STPG2: variants seen among roughly 807,000 people sequenced by gnomAD.
STPG2 encodes the protein sperm tail PG-rich repeat containing 2.
Under a neutral mutation model 54.2 loss-of-function variants are expected in STPG2, and 56 were observed. The ratio of observed to expected loss-of-function variants is 1.03; its 90% CI spans 0.83 to 1.29. STPG2 has a LOEUF of 1.29. Among genes scored for constraint, STPG2 ranks in the 50% most tolerant of loss-of-function variants. The pLI is 0.00. For synonymous variants in STPG2, 200 were observed against 181.8 expected, an observed-to-expected ratio of 1.10 and a Z score of -0.81; for missense variants, 596 against 544.9, an observed-to-expected ratio of 1.09 and a Z score of -0.93.
chr4:97,441,602 AT>A (rs1729082925), intron 4 of STPG2: 1 of 152,014 alleles, frequency 6.6e-6, no homozygotes, highest in African/African-American at 2.4e-5. Flanking sequence ...AAGTCAAAAT[AT>A]TCTTTCAGAT....
intron 8 of STPG2, among the ~76,000 whole-genome samples, chr4:97,902,860 C>G (rs1015298434): frequency 1.3e-5 from 2 of 152,108 alleles, no homozygotes; most frequent in Non-Finnish European, 2.9e-5. Flanking sequence ...TTCATTGCAG[C>G]ATTATTCACA....
intron 10 of STPG2, among the ~76,000 whole-genome samples, chr4:97,674,550 T>TA (rs1030175317): frequency 3.9e-5 from 6 of 152,010 alleles, no homozygotes; most frequent in African/African-American, 1.4e-4. Flanking sequence ...AACAGCATGA[T>TA]AAAAAAAGAT....
intron 9 of STPG2, among the ~76,000 whole-genome samples, chr4:97,800,748 G>A (rs746426596): frequency 2.6e-5 from 4 of 152,154 alleles, no homozygotes; most frequent in South Asian, 2.1e-4. Flanking sequence ...GGTTTCTGCC[G>A]CCTTTTGTTT....
At chr4:97,496,925 T>G (rs1161087022) in intron 4 of STPG2, among the ~76,000 whole-genome samples, 1 of 151,586 alleles carries the variant, frequency 6.6e-6, no homozygotes, top group Non-Finnish European at 1.5e-5. Flanking sequence ...AAAGAGAAAA[T>G]AATATCCATA....
At chr4:97,567,074 C>T (rs1732472227) in intron 10 of STPG2, among the ~76,000 whole-genome samples, 1 of 151,402 alleles carries the variant, frequency 6.6e-6, no homozygotes, top group Non-Finnish European at 1.5e-5. Context: ...GAAATGGCCC[C>T]TAAAATTTCA....
intron 9 of STPG2, among the ~76,000 whole-genome samples, chr4:97,715,200 G>A (rs1724249175): frequency 6.6e-6 from 1 of 152,052 alleles, no homozygotes; most frequent in Admixed American, 6.6e-5. Context: ...ATATGATACA[G>A]GTCAAAGACT....
At chr4:98,128,280 G>T (rs1739884548) in intron 3 of STPG2, 148 bp downstream of exon 3, 4 of 645,816 alleles carry the variant, frequency 6.2e-6, no homozygotes, top group Non-Finnish European at 9.8e-6. Context: ...ACTAAAATTT[G>T]GGGGTCTATT....
chr4:97,837,474 C>A (rs778284240), intron 9 of STPG2, among the ~76,000 whole-genome samples: 1 of 151,732 alleles, frequency 6.6e-6, no homozygotes, highest in Non-Finnish European at 1.5e-5. Context: ...TACTTTTCCA[C>A]TTAACAATTT....
At chr4:97,582,818 A>G (rs1244880878) in intron 10 of STPG2, among the ~76,000 whole-genome samples, 2 of 152,036 alleles carry the variant, frequency 1.3e-5, no homozygotes, top group Non-Finnish European at 2.9e-5. Flanking sequence ...GCTCTATATT[A>G]TTTACACTGC....
chr4:98,047,535 C>T (rs783923), intron 5 of STPG2, among the ~76,000 whole-genome samples: 51,562 of 151,874 alleles, frequency 0.34, 10,002 homozygotes, highest in Non-Finnish European at 0.42. Flanking sequence ...AGTGCTCATG[C>T]GCCTGTTTAA....
At chr4:98,116,968 A>C (rs1456922972) in intron 3 of STPG2, among the ~76,000 whole-genome samples, 1 of 152,006 alleles carries the variant, frequency 6.6e-6, no homozygotes, top group East Asian at 1.9e-4. Flanking sequence ...AATCAATAGG[A>C]ATTCTTCTAA....
chr4:97,828,954 A>C (rs976787083), intron 9 of STPG2, among the ~76,000 whole-genome samples: 11 of 152,180 alleles, frequency 7.2e-5, no homozygotes, highest in African/African-American at 2.7e-4. Context: ...CAGCTTCAGC[A>C]GACTTAAACA....
intron 9 of STPG2, among the ~76,000 whole-genome samples, chr4:97,749,052 T>C (rs1040179100): frequency 1.3e-5 from 2 of 151,620 alleles, no homozygotes; most frequent in Non-Finnish European, 3.0e-5. Flanking sequence ...ATAAAGCAGA[T>C]GTTCCCAATC....
intron 10 of STPG2, among the ~76,000 whole-genome samples, chr4:97,631,691 C>A (rs1435112580): frequency 6.6e-6 from 1 of 152,008 alleles, no homozygotes; most frequent in Non-Finnish European, 1.5e-5. Context: ...CTCACAGCCA[C>A]CATATTAAAG....
At chr4:97,828,239 G>A (rs903395985) in intron 9 of STPG2, among the ~76,000 whole-genome samples, 52 of 152,120 alleles carry the variant, frequency 3.4e-4, no homozygotes, top group South Asian at 2.1e-4. Flanking sequence ...CATGGATTGC[G>A]AGCCAAAGCA....
intron 4 of STPG2, among the ~76,000 whole-genome samples, chr4:97,546,062 T>C (rs1731827081): frequency 6.6e-6 from 1 of 151,912 alleles, no homozygotes; most frequent in South Asian, 2.1e-4. Context: ...ACTAAGGTGG[T>C]CAACTTAGTC....
chr4:97,456,358 C>T (rs754724236), intron 4 of STPG2, among the ~76,000 whole-genome samples: 1 of 151,794 alleles, frequency 6.6e-6, no homozygotes, highest in Non-Finnish European at 1.5e-5. Flanking sequence ...GGGGAAAGTG[C>T]CATGCACTTT....
intron 8 of STPG2, among the ~76,000 whole-genome samples, chr4:97,850,029 C>G (rs1005602054): frequency 2.0e-5 from 3 of 151,318 alleles, no homozygotes; most frequent in Admixed American, 2.0e-4. Flanking sequence ...CCCAAATGTC[C>G]AACAATGATA....
At chr4:97,872,148 TA>T (rs1337944971) in intron 8 of STPG2, among the ~76,000 whole-genome samples, 2 of 151,104 alleles carry the variant, frequency 1.3e-5, no homozygotes, top group Admixed American at 1.3e-4. Flanking sequence ...ACTTTATTGA[TA>T]AAAATATATA....
Sources: allele counts gnomAD v4.1 joint callset (sites outside exome capture counted in the v4.1 genomes callset), GRCh38; gene constraint gnomAD v4.1.1; transcripts MANE v1.5; gene names NCBI Gene and HGNC (gene_info 2026-07-23, HGNC 2026-07-21).